Variants in RCAN2 observed in about 807,000 individuals in gnomAD.
The protein encoded by RCAN2 is regulator of calcineurin 2.
A neutral mutation model predicts 23.6 loss-of-function variants in RCAN2; 9 were observed. The ratio of observed to expected loss-of-function variants is 0.38; its 90% CI spans 0.23 to 0.67. RCAN2 has a LOEUF of 0.67. Ranked by LOEUF, RCAN2 falls within the 30% of genes least tolerant of loss-of-function variation. The pLI, the probability that RCAN2 is intolerant of heterozygous loss-of-function variation, is 0.51. For missense variants in RCAN2, 273 were observed against 302.3 expected (o/e 0.90, Z 0.72); for synonymous variants, 109 against 115.7 (o/e 0.94, Z 0.37).
At chr6:46,470,200 A>G (rs981634596) in intron 1 of RCAN2, among the ~76,000 whole-genome samples, 1 of 151,982 alleles carries the variant, frequency 6.6e-6, no homozygotes, top group Admixed American at 6.5e-5. Flanking sequence ...TTGATAGTGC[A>G]GCCGACAGAC....
chr6:46,397,699 CTT>C (rs1428556319), intron 2 of RCAN2, among the ~76,000 whole-genome samples: 1 of 152,094 alleles, frequency 6.6e-6, no homozygotes. Flanking sequence ...ATATTAAACA[CTT>C]TTCATTTTAT....
chr6:46,300,048 T>A (rs1445859426), intron 2 of RCAN2, among the ~76,000 whole-genome samples: 4 of 151,470 alleles, frequency 2.6e-5, no homozygotes, highest in African/African-American at 7.3e-5. Context: ...GATAAAAAAA[T>A]TTTAAAGCAA....
intron 2 of RCAN2, among the ~76,000 whole-genome samples, chr6:46,450,402 A>G (rs894567887): frequency 1.3e-5 from 2 of 152,112 alleles, no homozygotes; most frequent in African/African-American, 4.8e-5. Context: ...TCCAAAAACT[A>G]AAAATAGAAC....
intron 2 of RCAN2, among the ~76,000 whole-genome samples, chr6:46,415,093 T>G (rs1366225398): frequency 6.6e-6 from 1 of 152,034 alleles, no homozygotes; most frequent in Non-Finnish European, 1.5e-5. Flanking sequence ...CTTTATTCTG[T>G]AGAAAGGTTT....
chr6:46,324,371 C>G (rs1291515163), intron 2 of RCAN2, among the ~76,000 whole-genome samples: 1 of 152,176 alleles, frequency 6.6e-6, no homozygotes, highest in Non-Finnish European at 1.5e-5. Flanking sequence ...ATGTGCTATG[C>G]CAAGAACACA....
intron 2 of RCAN2, among the ~76,000 whole-genome samples, chr6:46,357,877 G>A (rs183090170): frequency 1.8e-4 from 27 of 152,252 alleles, no homozygotes; most frequent in East Asian, 9.6e-4. Context: ...AAGTACTTTC[G>A]CTTTCACCTT....
intron 2 of RCAN2, among the ~76,000 whole-genome samples, chr6:46,452,189 T>G (rs1242142841): frequency 6.6e-6 from 1 of 152,184 alleles, no homozygotes; most frequent in African/African-American, 2.4e-5. Flanking sequence ...ACATGAACTC[T>G]GTAGTCTGGC....
intron 2 of RCAN2, among the ~76,000 whole-genome samples, chr6:46,385,973 TG>T (rs1765733617): frequency 6.6e-6 from 1 of 151,402 alleles, no homozygotes. Flanking sequence ...AAAGATTTCA[TG>T]ATGAAAATGC....
At chr6:46,330,385 C>T (rs1238338871) in intron 2 of RCAN2, among the ~76,000 whole-genome samples, 2 of 152,230 alleles carry the variant, frequency 1.3e-5, no homozygotes, top group Admixed American at 1.3e-4. Context: ...TCTTCACCCA[C>T]TTCCATACTC....
intron 2 of RCAN2, among the ~76,000 whole-genome samples, chr6:46,454,889 T>C (rs895230924): frequency 6.6e-6 from 1 of 152,212 alleles, no homozygotes; most frequent in African/African-American, 2.4e-5. Context: ...TCCTCAGTTC[T>C]AATTCAGTTA....
At chr6:46,325,087 C>A (rs1763747336) in intron 2 of RCAN2, among the ~76,000 whole-genome samples, 1 of 152,296 alleles carries the variant, frequency 6.6e-6, no homozygotes, top group South Asian at 2.1e-4. Context: ...CTGGAAAATT[C>A]TCCTTATTGA....
At chr6:46,309,924 TA>T (rs1763199841) in intron 2 of RCAN2, among the ~76,000 whole-genome samples, 1 of 152,148 alleles carries the variant, frequency 6.6e-6, no homozygotes. Context: ...ACTTCCAGCC[TA>T]AAAAAGCTAA....
chr6:46,468,191 C>T (rs1310702964), intron 1 of RCAN2, among the ~76,000 whole-genome samples: 1 of 152,218 alleles, frequency 6.6e-6, no homozygotes, highest in Non-Finnish European at 1.5e-5. Context: ...AATCTGTTCT[C>T]CCTTAATTGT....
intron 2 of RCAN2, among the ~76,000 whole-genome samples, chr6:46,364,935 C>T (rs1204383745): frequency 1.4e-4 from 22 of 152,140 alleles, no homozygotes. Flanking sequence ...GTTCCCTCTA[C>T]CTGGAATGCT....
intron 2 of RCAN2, among the ~76,000 whole-genome samples, chr6:46,433,008 T>C (rs1341471458): frequency 1.3e-5 from 2 of 152,214 alleles, no homozygotes; most frequent in Admixed American, 1.3e-4. Flanking sequence ...AGCCTTCCCT[T>C]GGCTCACCAA....
Position 46,323,722 on chromosome 6 carries a change from A to G in RCAN2, c.226-74826T>C, listed in dbSNP as rs79869890. Among the ~76,000 whole-genome samples the G allele has an allele frequency of 7.1e-3, 1,085 of 152,330 alleles. 14 individuals carry two copies. Among genetic ancestry groups the G allele is most frequent in the African/African-American group, 0.025 (1,056 of 41,582 alleles). On this transcript the variant is annotated intron_variant, in intron 2 of 4. Transcript: ENST00000371374. Reference sequence around the variant, plus strand: ...ATACAACCAGCTGTAACAACTTTGTATCCTCTTAATTCCACAAAATATTCT... The same window carrying G: ...ATACAACCAGCTGTAACAACTTTGTGTCCTCTTAATTCCACAAAATATTCT...
At chr6:46,223,578 C>T (rs1467719337) in intron 4 of RCAN2, among the ~76,000 whole-genome samples, 2 of 152,246 alleles carry the variant, frequency 1.3e-5, no homozygotes, top group East Asian at 3.8e-4. Flanking sequence ...AATACTTCCA[C>T]TCTGTAGGAT....
chr6:46,299,882 C>T (rs548073040), intron 2 of RCAN2, among the ~76,000 whole-genome samples: 17 of 151,784 alleles, frequency 1.1e-4, no homozygotes, highest in South Asian at 4.2e-4. Flanking sequence ...AATATATATA[C>T]ATAGGGACTG....
At chr6:46,419,166 T>A (rs962092867) in intron 2 of RCAN2, among the ~76,000 whole-genome samples, 1 of 152,194 alleles carries the variant, frequency 6.6e-6, no homozygotes, top group African/African-American at 2.4e-5. Flanking sequence ...AGTGATGCCA[T>A]GTGGAAAGTT....
Sources: gnomAD v4.1 joint callset for allele counts (sites outside exome capture counted in the v4.1 genomes callset) on GRCh38, gnomAD v4.1.1 for gene constraint, MANE v1.5 for transcripts, NCBI Gene and HGNC (gene_info 2026-07-23, HGNC 2026-07-21) for gene names.